UAP1: variants seen among roughly 807,000 people sequenced by gnomAD.
UAP1 encodes UDP-N-acetylglucosamine pyrophosphorylase 1.
A neutral mutation model predicts 58.5 loss-of-function variants in UAP1; 25 were observed. That is an observed-to-expected ratio of 0.43 (90% CI 0.31 to 0.60). The LOEUF is 0.60. Among genes scored for constraint, UAP1 ranks in the 20% least tolerant of loss-of-function variants. The pLI is 0.11. For synonymous variants in UAP1, 208 were observed against 213.0 expected (o/e 0.98, Z 0.21); for missense variants, 575 against 630.0 (o/e 0.91, Z 0.93).
intron 10 of UAP1, 76 bp from the exon 11 acceptor site, chr1:162,599,195 C>A (rs372599879): frequency 1.1e-6 from 1 of 873,062 alleles, no homozygotes; most frequent in Non-Finnish European, 1.8e-6. Flanking sequence ...TGCTTTAAAT[C>A]ATCATTATAG....
At chr1:162,588,958 G>C (rs1655084025) in intron 7 of UAP1, 125 bp downstream of exon 7, 1 of 972,366 alleles carries the variant, frequency 1.0e-6, no homozygotes, top group Non-Finnish European at 1.4e-6. Flanking sequence ...CATTTTGATT[G>C]TGAGTATGTA....
At chr1:162,588,719 A>G (rs1485141774) in exon 7 of UAP1, 1 of 1,611,914 alleles carries the variant, frequency 6.2e-7, no homozygotes, top group African/African-American at 1.3e-5. Context: ...TTGCAGCACC[A>G]TGTGGCTCAA....
chr1:162,587,708 G>GT lies in UAP1; in HGVS notation c.1028+42dup, dbSNP rs755246772. 3.2e-5 allele frequency: 51 copies of GT among 1,578,126 alleles called. No homozygotes were observed. In the Middle Eastern group the frequency reaches 1.2e-3, roughly 37 times the overall value. Reference sequence around the variant, plus strand: ...GGGGCCTTTTAAAATTATATTTATTGTTAATCAGAAACTAAGACACTTGAG... The same window carrying GT: ...GGGGCCTTTTAAAATTATATTTATTGTTTAATCAGAAACTAAGACACTTGAG... On this transcript the variant is annotated intron_variant, in intron 6 of 10. Transcript: ENST00000271469.
chr1:162,570,998 A>G (rs540038143), intron 2 of UAP1, among the ~76,000 whole-genome samples: 2 of 152,156 alleles, frequency 1.3e-5, no homozygotes, highest in African/African-American at 4.8e-5. Context: ...TGTGAATGTT[A>G]TCAGAAAAAG....
At chr1:162,589,176 T>TA (rs1364896545) in intron 7 of UAP1, among the ~76,000 whole-genome samples, 57 of 95,970 alleles carry the variant, frequency 5.9e-4, no homozygotes, top group African/African-American at 2.4e-3. Flanking sequence ...TATATAAATA[T>TA]TATATATAAT....
intron 2 of UAP1, among the ~76,000 whole-genome samples, chr1:162,569,965 C>T (rs541272739): frequency 5.9e-5 from 9 of 152,002 alleles, no homozygotes; most frequent in South Asian, 4.2e-4. Flanking sequence ...CTGGCTAACA[C>T]GATGAAACCC....
At chr1:162,572,203 C>T (rs375421407) in intron 2 of UAP1, among the ~76,000 whole-genome samples, 10 of 152,060 alleles carry the variant, frequency 6.6e-5, no homozygotes, top group African/African-American at 2.2e-4. Context: ...CACTAAAGAG[C>T]GAACAGGAGT....
chr1:162,598,367 T>C (rs1030566644), intron 10 of UAP1, among the ~76,000 whole-genome samples: 5 of 152,354 alleles, frequency 3.3e-5, no homozygotes, highest in African/African-American at 9.6e-5. Flanking sequence ...GCTGCATTTG[T>C]TCTGAATTCT....
At chr1:162,594,001 A>C (rs891238783) in intron 9 of UAP1, among the ~76,000 whole-genome samples, 1 of 152,156 alleles carries the variant, frequency 6.6e-6, no homozygotes, top group African/African-American at 2.4e-5. Flanking sequence ...GGTGCTGTAG[A>C]TCAGCGGTCT....
intron 3 of UAP1, among the ~76,000 whole-genome samples, chr1:162,578,293 A>G (rs1407968144): frequency 2.0e-5 from 3 of 152,192 alleles, no homozygotes; most frequent in African/African-American, 7.2e-5. Context: ...CTGTACCCCA[A>G]GTCAGCAGGT....
At chr1:162,564,181 A>C (rs966323724) in intron 1 of UAP1, among the ~76,000 whole-genome samples, 1 of 152,216 alleles carries the variant, frequency 6.6e-6, no homozygotes, top group Non-Finnish European at 1.5e-5. Context: ...TAATACCATA[A>C]TGAACATTGA....
exon 2 of UAP1, chr1:162,566,061 A>G: frequency 6.2e-7 from 1 of 1,608,956 alleles, no homozygotes; most frequent in Non-Finnish European, 8.5e-7. Context: ...CTTGGCTATT[A>G]GAGCATTATG....
At chr1:162,589,730 G>A (rs11809252) in intron 7 of UAP1, among the ~76,000 whole-genome samples, 9,573 of 152,202 alleles carry the variant, frequency 0.063, 454 homozygotes, top group Non-Finnish European at 0.093. Flanking sequence ...CAGCAGTTTG[G>A]GAGGCTGAGG....
chr1:162,590,210 C>T, intron 7 of UAP1, 113 bp from the exon 8 acceptor site: 1 of 775,332 alleles, frequency 1.3e-6, no homozygotes, highest in Non-Finnish European at 2.0e-6. Context: ...ATTCATCATT[C>T]AGATTGGAAT....
At chr1:162,570,244 A>G (rs921730567) in intron 2 of UAP1, among the ~76,000 whole-genome samples, 3 of 152,206 alleles carry the variant, frequency 2.0e-5, no homozygotes, top group Non-Finnish European at 2.9e-5. Flanking sequence ...CCATACAGAG[A>G]TACTCACTAG....
At chr1:162,573,639 A>G (rs563447822) in intron 2 of UAP1, among the ~76,000 whole-genome samples, 1 of 152,154 alleles carries the variant, frequency 6.6e-6, no homozygotes, top group Non-Finnish European at 1.5e-5. Context: ...ATGAAAATAC[A>G]TAATGTGCTG....
intron 2 of UAP1, among the ~76,000 whole-genome samples, chr1:162,568,138 C>T (rs2101736320): frequency 6.6e-6 from 1 of 152,242 alleles, no homozygotes; most frequent in East Asian, 1.9e-4. Context: ...TGTAGTAATA[C>T]TATACATACA....
chr1:162,564,050 T>G (rs1329234415), intron 1 of UAP1, among the ~76,000 whole-genome samples: 1 of 152,206 alleles, frequency 6.6e-6, no homozygotes, highest in Non-Finnish European at 1.5e-5. Flanking sequence ...CTACATTCCT[T>G]GGAAAATAAT....
intron 9 of UAP1, chr1:162,593,552 T>C (rs139431549): frequency 0.012 from 1,894 of 152,122 alleles, 29 homozygotes; most frequent in East Asian, 0.05. Flanking sequence ...AGTTCGAGAC[T>C]AGCCTGGCAA....
Sources: gnomAD v4.1 joint callset for allele counts (sites outside exome capture counted in the v4.1 genomes callset) on GRCh38, gnomAD v4.1.1 for gene constraint, MANE v1.5 for transcripts, NCBI Gene and HGNC (gene_info 2026-07-23, HGNC 2026-07-21) for gene names.